HFM1: variants seen among roughly 807,000 people sequenced by gnomAD.
HFM1 encodes the protein helicase for meiosis 1, also known as probable ATP-dependent DNA helicase HFM1.
A neutral mutation model predicts 192.1 loss-of-function variants in HFM1; 169 were observed. The observed-to-expected ratio is 0.88, with a 90% CI of 0.78 to 1.00. The LOEUF is 1.00. HFM1 is among the 50% of genes least tolerant of loss of function. HFM1 has a pLI of 0.00. For missense variants in HFM1, 1,661 were observed against 1,668.0 expected (o/e 1.00, Z 0.07); for synonymous variants, 525 against 537.8 (o/e 0.98, Z 0.33).
In HFM1 at chr1:91,352,587, T is replaced by C; in HGVS notation, c.1896A>G (p.Thr632=). ...LPAHLVVIKS[T]MHYAGGLFEE... ...CAAACAGTCCTCCAGCATAATGCATTGTAGATTTTATAACTACTAGGTGAG... is the reference window on the plus strand; with the variant it reads ...CAAACAGTCCTCCAGCATAATGCATCGTAGATTTTATAACTACTAGGTGAG... Residue 632 remains threonine, a synonymous_variant, in exon 16 of 39, where the codon ACA becomes ACG. Transcript: ENST00000370425. The C allele has an allele frequency of 6.2e-7, 1 of 1,609,558 alleles. No homozygotes were observed. The highest frequency in any genetic ancestry group is 8.5e-7 in the Non-Finnish European group (1 of 1,177,052).
Position 91,367,728 on chromosome 1 carries a change from C to G in HFM1, c.1685+7630G>C, listed in dbSNP as rs201972151. On this transcript the variant is annotated intron_variant, in intron 13 of 38. Coordinates refer to ENST00000370425, the MANE Select transcript of HFM1 (RefSeq NM_001017975.6). ...TCCTCCAAAGGAACACAGCTCCTCA[C>G]CAGCAATGGAACACAGCTGGACGGA... 9.9e-5 allele frequency among the ~76,000 whole-genome samples: 15 copies of G among 152,156 alleles called. 1 individual carries two copies. The East Asian group carries it at 2.5e-3, about 25-fold the overall frequency.
chr1:91,318,275 C>G lies in HFM1; in HGVS notation c.2812+803G>C, dbSNP rs574715738. 1.3e-4 allele frequency among the ~76,000 whole-genome samples: 20 copies of G among 152,244 alleles called. No homozygotes were observed. In the South Asian group the frequency reaches 4.2e-3, roughly 32 times the overall value. On this transcript the variant is annotated intron_variant, in intron 25 of 38. Transcript: ENST00000370425. The stretch of plus-strand genomic sequence containing the variant: ...CAGCCCTCTGCCACCCCACTGATTT[C>G]AAATTTCCAGATACAAAAGGTAGGT...
chr1:91,319,294 T>C lies in HFM1; in HGVS notation c.2679A>G (p.Arg893=). Reference sequence around the variant, plus strand: ...AAATCCACTAATCCTGTAACATACATCTTGTAATTCGGGAGCCATGTCTGA... The same window carrying C: ...AAATCCACTAATCCTGTAACATACACCTTGTAATTCGGGAGCCATGTCTGA... The part of the protein sequence containing the change: ...KIFRHGSRIT[R]WLSDFVAAQE... Residue 893 remains arginine, a splice_region_variant and synonymous_variant, in exon 24 of 39, where the codon AGA becomes AGG. Transcript: ENST00000370425. 1 of 1,608,296 alleles carries C rather than the reference T, an allele frequency of 6.2e-7. No homozygotes were observed.
chr1:91,400,226 G>T (rs984448235), intron 2 of HFM1, among the ~76,000 whole-genome samples: 1 of 152,150 alleles, frequency 6.6e-6, no homozygotes, highest in African/African-American at 2.4e-5. Flanking sequence ...ATAAAAGCCA[G>T]TATTTAACAT....
chr1:91,291,488 C>G (rs1668747252), intron 30 of HFM1, among the ~76,000 whole-genome samples: 1 of 152,088 alleles, frequency 6.6e-6, no homozygotes, highest in African/African-American at 2.4e-5. Flanking sequence ...TACACTCTCC[C>G]AAGACTAAAC....
intron 20 of HFM1, chr1:91,328,281 A>T (rs1653225953): frequency 1.1e-6 from 1 of 894,690 alleles, no homozygotes; most frequent in Non-Finnish European, 1.6e-6. Context: ...CTGAGGGGGG[A>T]AAGTGGGCTT....
intron 20 of HFM1, among the ~76,000 whole-genome samples, chr1:91,338,312 C>G (rs569519449): frequency 6.6e-6 from 1 of 152,304 alleles, no homozygotes; most frequent in East Asian, 1.9e-4. Context: ...TGCCATGCTC[C>G]TCTAAGTGGT....
At chr1:91,263,087 G>A (rs560626157) in intron 36 of HFM1, among the ~76,000 whole-genome samples, 1 of 152,212 alleles carries the variant, frequency 6.6e-6, no homozygotes, top group Non-Finnish European at 1.5e-5. Context: ...ACTAGAAGCT[G>A]TGTATGAAGT....
chr1:91,373,651 C>G (rs1469906074), intron 13 of HFM1, among the ~76,000 whole-genome samples: 1 of 151,574 alleles, frequency 6.6e-6, no homozygotes, highest in Non-Finnish European at 1.5e-5. Flanking sequence ...TATGGTACCC[C>G]CCGACCCCTA....
chr1:91,368,020 A>C (rs1659617952), intron 13 of HFM1, among the ~76,000 whole-genome samples: 1 of 152,162 alleles, frequency 6.6e-6, no homozygotes, highest in Admixed American at 6.5e-5. Flanking sequence ...AGATCAAATA[A>C]ATGAAATGAA....
chr1:91,275,153 T>G (rs1666692754), intron 32 of HFM1, among the ~76,000 whole-genome samples: 1 of 152,060 alleles, frequency 6.6e-6, no homozygotes, highest in South Asian at 2.1e-4. Flanking sequence ...CTGGCTAATT[T>G]TTGTATTTTT....
chr1:91,372,001 T>C (rs953702200), intron 13 of HFM1, among the ~76,000 whole-genome samples: 6 of 152,178 alleles, frequency 3.9e-5, no homozygotes, highest in Non-Finnish European at 1.5e-5. Flanking sequence ...TCATCATCAC[T>C]GGCCATCAGA....
At chr1:91,389,005 A>G (rs1198129066) in intron 4 of HFM1, among the ~76,000 whole-genome samples, 2 of 152,200 alleles carry the variant, frequency 1.3e-5, no homozygotes, top group African/African-American at 4.8e-5. Flanking sequence ...TACTCCAAAG[A>G]AGACATACGA....
chr1:91,277,347 GTA>G (rs1403586975), intron 30 of HFM1, among the ~76,000 whole-genome samples: 1 of 150,776 alleles, frequency 6.6e-6, no homozygotes, highest in Non-Finnish European at 1.5e-5. Flanking sequence ...AGCCTTCCAA[GTA>G]GCTGGGACTA....
At chr1:91,377,127 T>C (rs1441741532) in intron 11 of HFM1, among the ~76,000 whole-genome samples, 5 of 151,886 alleles carry the variant, frequency 3.3e-5, no homozygotes, top group African/African-American at 4.8e-5. Flanking sequence ...TTATGATTCC[T>C]ACATGCTTAC....
intron 13 of HFM1, among the ~76,000 whole-genome samples, chr1:91,369,117 C>T (rs909918704): frequency 7.2e-5 from 11 of 152,150 alleles, no homozygotes; most frequent in Non-Finnish European, 1.2e-4. Context: ...TAGAGACCTA[C>T]AAAGAGACTT....
At chr1:91,312,489 T>C (rs1650613663) in intron 30 of HFM1, among the ~76,000 whole-genome samples, 1 of 152,180 alleles carries the variant, frequency 6.6e-6, no homozygotes, top group Non-Finnish European at 1.5e-5. Flanking sequence ...ATTTCAGACA[T>C]GCATGGGGCC....
chr1:91,297,947 C>T (rs955419093), intron 30 of HFM1, among the ~76,000 whole-genome samples: 4 of 152,160 alleles, frequency 2.6e-5, no homozygotes, highest in Non-Finnish European at 5.9e-5. Flanking sequence ...CGGAGAATGA[C>T]TTTGATGAGT....
At chr1:91,361,181 G>C in intron 13 of HFM1, among the ~76,000 whole-genome samples, 1 of 149,720 alleles carries the variant, frequency 6.7e-6, no homozygotes, top group Non-Finnish European at 1.5e-5. Flanking sequence ...CAGAAGACAA[G>C]AAATAACGAA....
Sources: allele counts gnomAD v4.1 joint callset (sites outside exome capture counted in the v4.1 genomes callset), GRCh38; gene constraint gnomAD v4.1.1; transcripts MANE v1.5; gene names NCBI Gene and HGNC (gene_info 2026-07-23, HGNC 2026-07-21).